Variants in MME observed in about 807,000 individuals in gnomAD.
The protein encoded by MME is membrane metalloendopeptidase.
In MME, 98 loss-of-function variants were observed where a neutral mutation model predicts 113.2. That is an observed-to-expected ratio of 0.87 (90% CI 0.74 to 1.02). The LOEUF (loss-of-function observed/expected upper bound fraction) is 1.02. Ranked by LOEUF, MME falls within the 50% of genes least tolerant of loss-of-function variation. MME has a pLI of 0.00. For synonymous variants in MME, 292 were observed against 300.6 expected, an observed-to-expected ratio of 0.97 and a Z score of 0.30; for missense variants, 836 against 896.0, an observed-to-expected ratio of 0.93 and a Z score of 0.86.
chr3:155,142,367 C>A (rs201411037), intron 12 of MME, 37 bp downstream of exon 12: 12 of 1,516,378 alleles, frequency 7.9e-6, no homozygotes, highest in Admixed American at 1.7e-5. Context: ...AGACTTAAAG[C>A]ATAAAGTGAT....
chr3:155,078,647 ATATGTGTGTG>A (rs1245523401), upstream of MME, among the ~76,000 whole-genome samples: 69 of 142,166 alleles, frequency 4.9e-4, 1 homozygote, highest in African/African-American at 1.7e-3. Flanking sequence ...TGGAGTGTGA[ATATGTGTGTG>A]TATGTGTGTG....
chr3:155,163,188 C>G (rs1346379226), intron 17 of MME, among the ~76,000 whole-genome samples: 1 of 152,012 alleles, frequency 6.6e-6, no homozygotes, highest in East Asian at 1.9e-4. Flanking sequence ...CCCCTCCCTC[C>G]ATACACACAC....
upstream of MME, chr3:155,080,011 A>C (rs1282961157): frequency 1.3e-5 from 2 of 152,436 alleles, no homozygotes; most frequent in Non-Finnish European, 2.9e-5. Flanking sequence ...GGTGAGTCCC[A>C]GGAGAGCGAG....
rs560939534 is a variant in MME at position 155,030,637 on chromosome 3, T to C, written c.-11+6313T>C. Reference sequence around the variant, plus strand: ...AACCAATACATCTTAACAAAGTTTATGACTTAACTGATAATAAGCTAGGCA... The same window carrying C: ...AACCAATACATCTTAACAAAGTTTACGACTTAACTGATAATAAGCTAGGCA... On this transcript the variant is annotated intron_variant, in intron 1 of 22. Coordinates refer to the MME transcript ENST00000492661. 3.3e-5 allele frequency among the ~76,000 whole-genome samples: 5 copies of C among 152,320 alleles called. No homozygotes were observed. In the East Asian group the frequency reaches 9.7e-4, roughly 29 times the overall value.
intron 1 of MME, among the ~76,000 whole-genome samples, chr3:155,058,493 CAG>C (rs1318281075): frequency 6.6e-6 from 1 of 151,888 alleles, no homozygotes; most frequent in Non-Finnish European, 1.5e-5. Flanking sequence ...AAGAGAAAAA[CAG>C]AAAATGTCTC....
rs182878189 is a variant in MME, at chr3:155,057,912, C to T, written c.-10-26246C>T. On this transcript the variant is annotated intron_variant, in intron 1 of 22. Coordinates refer to the MME transcript ENST00000492661. ...TATGTATTTGATTCTTGCTGCCATACTAAATTATTCTTTTGTACATCTTAT... is the reference window on the plus strand; with the variant it reads ...TATGTATTTGATTCTTGCTGCCATATTAAATTATTCTTTTGTACATCTTAT... 2.0e-3 allele frequency among the ~76,000 whole-genome samples: 311 copies of T among 152,120 alleles called. 1 individual carries two copies. Among genetic ancestry groups the T allele is most frequent in the African/African-American group, 7.3e-3 (301 of 41,494 alleles).
chr3:155,077,910 A>G (rs1714814275), upstream of MME, among the ~76,000 whole-genome samples: 1 of 151,578 alleles, frequency 6.6e-6, no homozygotes. Flanking sequence ...TTTTCCTTTA[A>G]AAGAGTCCTC....
chr3:155,079,837 CT>C (rs1714956516), upstream of MME: 1 of 152,522 alleles, frequency 6.6e-6, no homozygotes, highest in African/African-American at 2.4e-5. Context: ...GGTCCGGAAC[CT>C]CCCCCAAGTC....
intron 3 of MME, among the ~76,000 whole-genome samples, chr3:155,097,582 G>A (rs1716844785): frequency 6.6e-6 from 1 of 152,156 alleles, no homozygotes; most frequent in African/African-American, 2.4e-5. Context: ...AAAAGAGGAT[G>A]TATATCCAGA....
intron 17 of MME, among the ~76,000 whole-genome samples, chr3:155,165,710 T>C (rs888013871): frequency 6.6e-6 from 1 of 152,130 alleles, no homozygotes; most frequent in Non-Finnish European, 1.5e-5. Flanking sequence ...AGAGTATGTG[T>C]AAACAGTAAT....
chr3:155,163,885 G>A (rs535937033), intron 17 of MME, among the ~76,000 whole-genome samples: 80 of 152,168 alleles, frequency 5.3e-4, no homozygotes, highest in Admixed American at 3.5e-3. Flanking sequence ...GCTCATGCCT[G>A]TAATCCCAGT....
intron 12 of MME, among the ~76,000 whole-genome samples, chr3:155,142,726 A>C (rs867481251): frequency 4.1e-4 from 63 of 152,280 alleles, no homozygotes; most frequent in African/African-American, 1.4e-3. Context: ...TGATGTGGGC[A>C]GTCTATTGAA....
chr3:155,168,819 T>C, intron 20 of MME, 22 bp downstream of exon 20: 1 of 1,586,908 alleles, frequency 6.3e-7, no homozygotes. Flanking sequence ...AGATTTTCTT[T>C]CCATTTTAGT....
chr3:155,133,054 A>ATATATAT (rs1376707409), intron 8 of MME, among the ~76,000 whole-genome samples: 74 of 86,126 alleles, frequency 8.6e-4, no homozygotes, highest in African/African-American at 2.9e-3. Context: ...AAAAAAAAAA[A>ATATATAT]AAAAAAAAAT....
At chr3:155,149,882 A>G (rs16824623) in intron 16 of MME, among the ~76,000 whole-genome samples, 4,203 of 152,290 alleles carry the variant, frequency 0.028, 83 homozygotes, top group East Asian at 0.11. Context: ...ATATTGTGTT[A>G]TCTGATGCTA....
intron 16 of MME, among the ~76,000 whole-genome samples, chr3:155,148,997 T>C (rs1048301574): frequency 1.3e-5 from 2 of 152,108 alleles, no homozygotes; most frequent in Non-Finnish European, 2.9e-5. Context: ...CTCTTAGGCC[T>C]TACTCTGTGT....
intron 3 of MME, among the ~76,000 whole-genome samples, chr3:155,091,078 G>A (rs1217147921): frequency 1.3e-5 from 2 of 152,206 alleles, no homozygotes; most frequent in East Asian, 3.8e-4. Context: ...ATTTCATTAT[G>A]TAGTTAAGTT....
Position 155,160,432 on chromosome 3 carries a change from A to C in MME, c.1644A>C (p.Ser548=). 1 of 1,606,442 alleles carries C rather than the reference A, an allele frequency of 6.2e-7. No homozygotes were observed. Among genetic ancestry groups the C allele is most frequent in the African/African-American group, 1.3e-5 (1 of 74,850 alleles). Residue 548 remains serine, a synonymous_variant, in exon 17 of 23, where the codon TCA becomes TCC. Transcript: ENST00000360490. ...GAAVVNAFYS[S]GRNQIVFPAG... Reference sequence around the variant, plus strand: ...CTGTAGTCAATGCATTTTACTCTTCAGGAAGAAATCAGATAGGTAAGGTGT... The same window carrying C: ...CTGTAGTCAATGCATTTTACTCTTCCGGAAGAAATCAGATAGGTAAGGTGT...
At chr3:155,095,731 C>A (rs938037924) in intron 3 of MME, among the ~76,000 whole-genome samples, 3 of 151,874 alleles carry the variant, frequency 2.0e-5, no homozygotes, top group African/African-American at 7.3e-5. Context: ...AAACATTGAA[C>A]ACTAGACATT....
Sources: allele counts gnomAD v4.1 joint callset (sites outside exome capture counted in the v4.1 genomes callset), GRCh38; gene constraint gnomAD v4.1.1; transcripts MANE v1.5; gene names NCBI Gene and HGNC (gene_info 2026-07-23, HGNC 2026-07-21).